The following MYO15B variants were observed in gnomAD, a reference collection of about 807,000 sequenced individuals.
MYO15B encodes the protein myosin XVB pseudogene.
In MYO15B, 207 loss-of-function variants were observed where a neutral mutation model predicts 119.3. That is an observed-to-expected ratio of 1.73 (90% CI 1.55 to 1.95). The LOEUF is 1.95. Among genes scored for constraint, MYO15B ranks in the 30% most tolerant of loss-of-function variants. The pLI, the probability that MYO15B is intolerant of heterozygous loss-of-function variation, is 0.00. For synonymous variants in MYO15B, 966 were observed against 498.9 expected, an observed-to-expected ratio of 1.94 and a Z score of -12.48; for missense variants, 2,264 against 1,203.1, an observed-to-expected ratio of 1.88 and a Z score of -13.04.
exon 14 of MYO15B, chr17:75,596,817 C>T (rs1210031208): frequency 1.9e-5 from 13 of 702,694 alleles, no homozygotes; most frequent in Admixed American, 4.0e-5. Flanking sequence ...CCTCAGCCTC[C>T]GAGGGAGTCC....
At chr17:75,612,691 A>G in intron 25 of MYO15B, 107 bp from the exon 26 acceptor site, 3 of 643,386 alleles carry the variant, frequency 4.7e-6, no homozygotes, top group East Asian at 2.7e-5. Flanking sequence ...ATTAAGATGC[A>G]TTTCTGTCCA....
At chr17:75,591,800 T>C in intron 5 of MYO15B, 88 bp downstream of exon 5, 1 of 693,066 alleles carries the variant, frequency 1.4e-6, no homozygotes, top group African/African-American at 1.8e-5. Context: ...AGGGACTATC[T>C]TTCTCCTTTC....
chr17:75,610,193 T>C, exon 22 of MYO15B: 1 of 701,512 alleles, frequency 1.4e-6, no homozygotes, highest in South Asian at 1.5e-5. Flanking sequence ...GGCGGGCAGC[T>C]TTGGGACAGC....
At chr17:75,611,824 G>A in intron 24 of MYO15B, 62 bp from the exon 25 acceptor site, 1 of 698,062 alleles carries the variant, frequency 1.4e-6, no homozygotes, top group Admixed American at 2.0e-5. Flanking sequence ...GGATGGAGGT[G>A]GTCCCAGGGC....
At chr17:75,613,439 G>A (rs1401403675) in exon 28 of MYO15B, 1 of 681,202 alleles carries the variant, frequency 1.5e-6, no homozygotes, top group Non-Finnish European at 2.6e-6. Context: ...TGGCGGCGGG[G>A]CCGCATGGCG....
intron 31 of MYO15B, 30 bp from the exon 32 acceptor site, chr17:75,614,743 C>T: frequency 1.4e-6 from 1 of 702,820 alleles, no homozygotes; most frequent in Non-Finnish European, 2.6e-6. Context: ...CGCCCCGGGC[C>T]ATGGCTCCAA....
chr17:75,596,792 T>C (rs1338161227), exon 14 of MYO15B: 1 of 701,614 alleles, frequency 1.4e-6, no homozygotes, highest in Non-Finnish European at 2.6e-6. Context: ...GGAGTTGCTG[T>C]CCTGGGTGCC....
In MYO15B at chr17:75,613,219, C is replaced by CT. The variant is rs1310816442; in HGVS notation, c.4967+11dup. On this transcript the variant is annotated intron_variant, in intron 27 of 63. Transcript: ENST00000645453. ...AGAAGCCACTGCTCAAGTAAGGGGC[C>CT]TGGGAGGTGGGGACCTGGCAGGTGG... The CT allele has an allele frequency of 1.5e-6, 1 of 685,390 alleles. No homozygotes were observed. Among genetic ancestry groups the CT allele is most frequent in the African/African-American group, 1.8e-5 (1 of 57,032 alleles). The allele number at this position is 685,390 out of a possible 1,614,324, so 42.5% of individuals were successfully genotyped here.
At position 75,588,251 on chromosome 17, in the gene MYO15B, G is replaced by A. The variant is rs1389922625; in HGVS notation, c.194G>A (p.Gly65Asp). Residue 65 changes from glycine (G) to aspartate (D), a missense_variant, in exon 1 of 64, where the codon GGC becomes GAC. Gly to Asp is a moderately conservative substitution (Grantham distance 94). Transcript: ENST00000645453. The stretch of plus-strand genomic sequence containing the variant: ...GCCGGGGGCCAGGGAACCCCTGGTG[G>A]CCGCAGGAAGCCCACTGCAGAGGGG... The A allele has an allele frequency of 5.5e-5, 22 of 398,118 alleles. No homozygotes were observed. The Admixed American group carries it at 9.2e-4, about 17-fold the overall frequency. The allele number at this position is 398,118 out of a possible 1,614,324, so 24.7% of individuals were successfully genotyped here.
exon 1 of MYO15B, chr17:75,588,900 C>G (rs1267825589): frequency 2.5e-6 from 1 of 398,454 alleles, no homozygotes. Context: ...CGAGCGACAA[C>G]CGGGCGCAGC....
rs1032197695 is a variant in MYO15B at position 75,622,053 on chromosome 17, G to A, written c.8055G>A (p.Glu2685=). 5 of 702,922 alleles carry A rather than the reference G, an allele frequency of 7.1e-6. No individual in the cohort carries two copies. In the African/African-American group the frequency reaches 8.7e-5, roughly 12 times the overall value. The allele number at this position is 702,922 out of a possible 1,614,324, so 43.5% of individuals were successfully genotyped here. Residue 2685 remains glutamate (E), a synonymous_variant, in exon 53 of 64, where the codon GAG becomes GAA. Coordinates refer to ENST00000645453, the Ensembl canonical transcript of MYO15B. The stretch of plus-strand genomic sequence containing the variant: ...AGTCCAAGCCCCGGGGCAAGGATGA[G>A]ATGGATCTGCTCTATGAACTGCTGA...
chr17:75,621,270 C>A, intron 50 of MYO15B, 75 bp from the exon 51 acceptor site: 1 of 662,158 alleles, frequency 1.5e-6, no homozygotes, highest in South Asian at 1.6e-5. Flanking sequence ...GCTCTTAGCA[C>A]TCTCCCTGCC....
chr17:75,606,000 G>T (rs8068464), exon 21 of MYO15B: 3 of 699,602 alleles, frequency 4.3e-6, no homozygotes, highest in African/African-American at 3.5e-5. Context: ...ATGCAGGCTC[G>T]CATGCGTGGG....
exon 62 of MYO15B, chr17:75,625,861 C>G (rs746373614): frequency 1.1e-4 from 74 of 702,866 alleles, no homozygotes; most frequent in Non-Finnish European, 1.7e-4. Flanking sequence ...GAGCCAGCTG[C>G]CCCTCTTCGG....
chr17:75,603,006 C>T (rs1368790463), intron 17 of MYO15B, 26 bp from the exon 18 acceptor site: 10 of 702,980 alleles, frequency 1.4e-5, no homozygotes, highest in South Asian at 7.4e-5. Context: ...AGTCTGTGCC[C>T]GAGTGACCCC....
chr17:75,615,755 G>C (rs775675480), exon 36 of MYO15B: 2 of 701,436 alleles, frequency 2.9e-6, no homozygotes, highest in South Asian at 3.0e-5. Context: ...AGCAGCGGCA[G>C]CAGCAGGCTC....
rs150391477 is a variant in MYO15B at position 75,612,358 on chromosome 17, A to G, written c.4635+342A>G. 5.0e-4 allele frequency among the ~76,000 whole-genome samples: 76 copies of G among 152,270 alleles called. 1 individual carries two copies. Among genetic ancestry groups the G allele is most frequent in the Non-Finnish European group, 5.4e-4 (37 of 68,026 alleles). On this transcript the variant is annotated intron_variant, in intron 25 of 63. Transcript: ENST00000645453. ...GGAAATTGTCCAGACTTCAGCAGTA[A>G]ATACAAATGCAGGTTCAAAACTGCA... is the stretch of plus-strand genomic sequence containing the variant.
intron 15 of MYO15B, chr17:75,602,181 T>G: frequency 2.6e-6 from 1 of 384,040 alleles, no homozygotes; most frequent in Non-Finnish European, 4.9e-6. Flanking sequence ...AAAAAAGAAA[T>G]ACAAGGAGTT....
intron 49 of MYO15B, 41 bp downstream of exon 49, chr17:75,620,677 C>T (rs189896331): frequency 1.4e-6 from 1 of 691,452 alleles, no homozygotes; most frequent in East Asian, 2.7e-5. Flanking sequence ...GCAAGGCCTG[C>T]CTGAGACTGA....
Sources: gnomAD v4.1 joint callset for allele counts (sites outside exome capture counted in the v4.1 genomes callset) on GRCh38, gnomAD v4.1.1 for gene constraint, MANE v1.5 for transcripts, NCBI Gene and HGNC (gene_info 2026-07-23, HGNC 2026-07-21) for gene names.